NELL1: variants seen among roughly 807,000 people sequenced by gnomAD.
The protein encoded by NELL1 is protein kinase C-binding protein NELL1.
Under a neutral mutation model 107.4 loss-of-function variants are expected in NELL1, and 76 were observed. The ratio of observed to expected loss-of-function variants is 0.71; its 90% CI spans 0.59 to 0.86. The LOEUF (loss-of-function observed/expected upper bound fraction) is 0.86, where lower values mean the gene tolerates loss of function less well. Among genes scored for constraint, NELL1 ranks in the 40% least tolerant of loss-of-function variants. The pLI is 0.00. For synonymous variants in NELL1, 353 were observed against 341.2 expected, an observed-to-expected ratio of 1.03 and a Z score of -0.38; for missense variants, 1,024 against 1,005.5, an observed-to-expected ratio of 1.02 and a Z score of -0.25.
intron 13 of NELL1, among the ~76,000 whole-genome samples, chr11:21,116,425 A>C (rs1855237643): frequency 6.6e-6 from 1 of 151,674 alleles, no homozygotes; most frequent in Admixed American, 6.6e-5. Flanking sequence ...TATGTCAACA[A>C]CTCCTAAATG....
intron 12 of NELL1, among the ~76,000 whole-genome samples, chr11:21,098,235 T>A (rs2133699872): frequency 6.6e-6 from 1 of 152,346 alleles, no homozygotes; most frequent in Non-Finnish European, 1.5e-5. Context: ...TTTCCATTTC[T>A]TACCTTCTCC....
At chr11:21,403,516 C>T (rs182896005) in intron 15 of NELL1, among the ~76,000 whole-genome samples, 2 of 151,598 alleles carry the variant, frequency 1.3e-5, no homozygotes, top group Admixed American at 6.6e-5. Context: ...GTTTCATGCC[C>T]CATGGTGAAA....
intron 12 of NELL1, among the ~76,000 whole-genome samples, chr11:21,105,683 G>A (rs1046728284): frequency 3.9e-5 from 6 of 152,014 alleles, no homozygotes; most frequent in Non-Finnish European, 7.4e-5. Flanking sequence ...TTTTGGTGCT[G>A]CTTTTCATTA....
At chr11:21,195,134 G>A (rs971484208) in intron 13 of NELL1, among the ~76,000 whole-genome samples, 1 of 152,068 alleles carries the variant, frequency 6.6e-6, no homozygotes, top group African/African-American at 2.4e-5. Context: ...AATTGTCTAT[G>A]GGAAAGGTCC....
intron 2 of NELL1, among the ~76,000 whole-genome samples, chr11:20,703,137 CTTTTT>C (rs1185652003): frequency 6.6e-6 from 1 of 152,064 alleles, no homozygotes; most frequent in Non-Finnish European, 1.5e-5. Context: ...TGGTGCTGGA[CTTTTT>C]TTGGCTGGTA....
chr11:21,132,804 T>C (rs12800286), intron 13 of NELL1, among the ~76,000 whole-genome samples: 1 of 152,024 alleles, frequency 6.6e-6, no homozygotes, highest in Non-Finnish European at 1.5e-5. Context: ...TAGAGGGGGT[T>C]CAGTGCATGT....
chr11:20,949,856 C>T (rs79421827), intron 11 of NELL1, among the ~76,000 whole-genome samples: 3,129 of 152,232 alleles, frequency 0.021, 99 homozygotes, highest in East Asian at 0.14. Context: ...AGGCAGGGCC[C>T]GTCTATGAAA....
chr11:21,356,268 G>C (rs1850931340), intron 14 of NELL1, among the ~76,000 whole-genome samples: 1 of 152,152 alleles, frequency 6.6e-6, no homozygotes, highest in Non-Finnish European at 1.5e-5. Flanking sequence ...CCCTGGTTCT[G>C]AGTAATCTCT....
At chr11:21,321,872 T>C (rs1212604082) in intron 14 of NELL1, among the ~76,000 whole-genome samples, 4 of 152,366 alleles carry the variant, frequency 2.6e-5, no homozygotes, top group Non-Finnish European at 4.4e-5. Context: ...ACAGGGTTTA[T>C]AGTCCAGCAG....
chr11:20,787,811 G>T (rs895652776), intron 3 of NELL1, among the ~76,000 whole-genome samples: 1 of 152,214 alleles, frequency 6.6e-6, no homozygotes. Flanking sequence ...TTTTAGAAAT[G>T]CTCATTACCC....
intron 15 of NELL1, among the ~76,000 whole-genome samples, chr11:21,393,466 A>T (rs2133786642): frequency 6.6e-6 from 1 of 151,808 alleles, no homozygotes; most frequent in East Asian, 1.9e-4. Context: ...AAGCTAAAAA[A>T]AATTCTGTGG....
chr11:21,065,937 T>C (rs1853857435), intron 12 of NELL1, among the ~76,000 whole-genome samples: 1 of 152,184 alleles, frequency 6.6e-6, no homozygotes. Flanking sequence ...TGTTCCTTTG[T>C]AGGGGAACTC....
chr11:21,042,705 A>G (rs1174392493), intron 12 of NELL1, among the ~76,000 whole-genome samples: 1 of 151,968 alleles, frequency 6.6e-6, no homozygotes, highest in Non-Finnish European at 1.5e-5. Flanking sequence ...ACTTTGCCAT[A>G]CTGACCTGAG....
intron 14 of NELL1, among the ~76,000 whole-genome samples, chr11:21,232,148 A>AAT (rs200737626): frequency 0.056 from 311 of 5,512 alleles, 3 homozygotes; most frequent in Middle Eastern, 0.21. Flanking sequence ...AAAAAAAAAT[A>AAT]AAAAAAAAAA....
chr11:21,531,224 G>A (rs1036081053), intron 15 of NELL1, among the ~76,000 whole-genome samples: 3 of 151,976 alleles, frequency 2.0e-5, no homozygotes, highest in Non-Finnish European at 4.4e-5. Context: ...ATGAGCTCCT[G>A]GATTTTTGGA....
At chr11:20,889,270 G>T (rs1229737392) in intron 5 of NELL1, among the ~76,000 whole-genome samples, 1 of 152,080 alleles carries the variant, frequency 6.6e-6, no homozygotes, top group East Asian at 1.9e-4. Flanking sequence ...TTTCACAAAA[G>T]GATAACAAAC....
intron 15 of NELL1, among the ~76,000 whole-genome samples, chr11:21,422,936 G>A (rs73459530): frequency 0.056 from 8,589 of 152,118 alleles, 638 homozygotes; most frequent in African/African-American, 0.17. Flanking sequence ...GCTATGCACT[G>A]TCTACAAGAG....
chr11:21,505,372 G>A (rs768771311), intron 15 of NELL1, among the ~76,000 whole-genome samples: 14 of 151,992 alleles, frequency 9.2e-5, no homozygotes, highest in Non-Finnish European at 1.3e-4. Flanking sequence ...AAACAGAAAT[G>A]TAATTATGCC....
intron 19 of NELL1, 55 bp downstream of exon 19, chr11:21,573,464 G>T: frequency 2.7e-6 from 4 of 1,483,354 alleles, no homozygotes; most frequent in Non-Finnish European, 3.8e-6. Flanking sequence ...GAGAACACTT[G>T]CAGGAGGTCC....
Sources: allele counts gnomAD v4.1 joint callset (sites outside exome capture counted in the v4.1 genomes callset), GRCh38; gene constraint gnomAD v4.1.1; transcripts MANE v1.5; gene names NCBI Gene and HGNC (gene_info 2026-07-23, HGNC 2026-07-21).